MUC4: variants seen among roughly 807,000 people sequenced by gnomAD.
MUC4 encodes mucin-4.
Under a neutral mutation model 257.9 loss-of-function variants are expected in MUC4, and 202 were observed. The ratio of observed to expected loss-of-function variants is 0.78; its 90% CI spans 0.70 to 0.88. The LOEUF (loss-of-function observed/expected upper bound fraction) is 0.88, where lower values mean the gene tolerates loss of function less well. Ranked by LOEUF, MUC4 falls within the 40% of genes least tolerant of loss-of-function variation. The pLI is 0.00. For missense variants in MUC4, 5,976 were observed against 6,513.7 expected (o/e 0.92, Z 2.84); for synonymous variants, 2,351 against 2,757.1 (o/e 0.85, Z 4.62).
At chr3:195,762,402 C>T in intron 13 of MUC4, 148 bp from the exon 14 acceptor site, 1 of 880,344 alleles carries the variant, frequency 1.1e-6, no homozygotes, top group Non-Finnish European at 1.7e-6. Context: ...AAGAGGCCGG[C>T]GAGCTGCACG....
intron 24 of MUC4, among the ~76,000 whole-genome samples, chr3:195,748,295 G>A (rs1480393470): frequency 1.3e-5 from 2 of 152,278 alleles, no homozygotes; most frequent in African/African-American, 4.8e-5. Context: ...CTGGCGCGGT[G>A]GCTCACGCCT....
At chr3:195,764,656 G>A (rs893961914) in intron 10 of MUC4, among the ~76,000 whole-genome samples, 17 of 152,218 alleles carry the variant, frequency 1.1e-4, no homozygotes, top group African/African-American at 3.9e-4. Context: ...CTCCCTTGGA[G>A]CGTCTCTGTG....
At chr3:195,802,981 C>G (rs895005445) in intron 1 of MUC4, among the ~76,000 whole-genome samples, 1 of 152,148 alleles carries the variant, frequency 6.6e-6, no homozygotes, top group African/African-American at 2.4e-5. Flanking sequence ...CCTCCCTCTT[C>G]TCACCGTCTG....
At chr3:195,748,691 C>A (rs553377768) in intron 24 of MUC4, among the ~76,000 whole-genome samples, 71 of 152,356 alleles carry the variant, frequency 4.7e-4, no homozygotes, top group African/African-American at 1.6e-3. Flanking sequence ...AGTTCTAAGC[C>A]CCCCTATGGC....
intron 3 of MUC4, 69 bp downstream of exon 3, chr3:195,778,234 G>A: frequency 6.7e-7 from 1 of 1,500,570 alleles, no homozygotes; most frequent in Non-Finnish European, 8.9e-7. Context: ...ACTGTGGGAA[G>A]TAGGCTGAGA....
Position 195,810,789 on chromosome 3 carries a change from G to A in MUC4, c.82+947C>T, listed in dbSNP as rs79077800. ...TTCCCAGGGTCCTCAGTTTGTCTGC[G>A]TCTCACCTGTCTCGTCCTCTCACCC... On this transcript the variant is annotated intron_variant, in intron 1 of 24. Transcript: ENST00000463781. The surrounding 1 kb of genome is among the most constrained non-coding windows in gnomAD (Gnocchi z 4.2). Among the ~76,000 whole-genome samples the A allele has an allele frequency of 0.14, 20,545 of 151,922 alleles. 1,564 individuals are homozygous for A. Among genetic ancestry groups the A allele is most frequent in the Non-Finnish European group, 0.18 (12,114 of 67,924 alleles).
rs201778703 is a variant in MUC4 at position 195,754,206 on chromosome 3, G to C, written c.15328+7C>G. The C allele has an allele frequency of 6.2e-7, 1 of 1,607,296 alleles. No individual in the cohort carries two copies. Among genetic ancestry groups the C allele is most frequent in the Non-Finnish European group, 8.5e-7 (1 of 1,176,030 alleles). On this transcript the variant is annotated splice_region_variant and intron_variant, in intron 19 of 24. Transcript: ENST00000463781. The stretch of plus-strand genomic sequence containing the variant: ...AGCGCCTGCTCCAGGCCCTGTTCCC[G>C]GCTCACCCGCACAGTGCCGCCCATC...
intron 4 of MUC4, among the ~76,000 whole-genome samples, chr3:195,772,437 C>T (rs2688510): frequency 0.029 from 1,893 of 66,136 alleles, 173 homozygotes; most frequent in Middle Eastern, 0.091. Context: ...AGACACCCTC[C>T]CTCCATCGCT....
chr3:195,800,926 G>A (rs986814746), intron 1 of MUC4, among the ~76,000 whole-genome samples: 1 of 149,340 alleles, frequency 6.7e-6, no homozygotes, highest in East Asian at 1.9e-4. Flanking sequence ...TTCTCAAAAG[G>A]CAGAGGGTGC....
chr3:195,757,347 G>A lies in MUC4; in HGVS notation c.14987-19C>T. On this transcript the variant is annotated intron_variant, in intron 17 of 24. Transcript: ENST00000463781. The surrounding 1 kb of genome is among the most constrained non-coding windows in gnomAD (Gnocchi z 4.8). ...CCATTCTCTGCCCCGGGGAAGATGA[G>A]AATGTTGAGAGCTGGGAGACTCCTC... 1 of 1,580,154 alleles carries A rather than the reference G, an allele frequency of 6.3e-7. No individual in the cohort carries two copies.
intron 18 of MUC4, among the ~76,000 whole-genome samples, chr3:195,756,427 A>C (rs1717656160): frequency 6.6e-6 from 1 of 152,240 alleles, no homozygotes; most frequent in African/African-American, 2.4e-5. Flanking sequence ...CGGAGGTGGA[A>C]GTTTCCTGCC....
chr3:195,788,987 ACG>A lies in MUC4; in HGVS notation c.2591_2592del (p.Ala864ValfsTer14). 1 of 1,613,762 alleles carries A rather than the reference ACG, an allele frequency of 6.2e-7. No homozygotes were observed. Among genetic ancestry groups the A allele is most frequent in the Non-Finnish European group, 8.5e-7 (1 of 1,179,814 alleles). On this transcript the variant is annotated frameshift_variant, in exon 2 of 25. Transcript: ENST00000463781. LOFTEE classifies it high-confidence loss of function. Reference protein sequence around the residue: ...HGAIPVSTGMASSIVPGTFHP... With the variant: ...HGAIPVSTGMXSSIVPGTFHP... ...TGAAAGGTGCCGGGGACGATCGAAGACGCCATTCCTGTGCTTACTGGGATGGC... is the reference window on the plus strand; with the variant it reads ...TGAAAGGTGCCGGGGACGATCGAAGACCATTCCTGTGCTTACTGGGATGGC...
Position 195,757,085 on chromosome 3 carries a change from AT to A in MUC4, c.15168+61del, listed in dbSNP as rs1231743182. 6.6e-7 allele frequency: 1 copy of A among 1,514,596 alleles called. No individual in the cohort carries two copies. The highest frequency in any genetic ancestry group is 1.4e-5 in the African/African-American group (1 of 73,058). 93.8% of individuals were successfully genotyped at this position (1,514,596 alleles called of 1,614,324 possible). On this transcript the variant is annotated intron_variant, in intron 18 of 24. Transcript: ENST00000463781. The surrounding 1 kb of genome is among the most constrained non-coding windows in gnomAD (Gnocchi z 4.8). ...CAGGACAGGCAGAATCACAGCATCC[AT>A]TCCACTCCCATTTCCTCTCCCCTCG...
chr3:195,753,662 C>G (rs1716926684), intron 19 of MUC4: 1 of 229,152 alleles, frequency 4.4e-6, no homozygotes, highest in African/African-American at 2.3e-5. Context: ...GTAAAGGCCT[C>G]GCTGTGATCT....
In MUC4 at chr3:195,757,222, AG is replaced by A. The variant is rs1717847711; in HGVS notation, c.15092del (p.Thr5031MetfsTer71). 1 of 1,613,456 alleles carries A rather than the reference AG, an allele frequency of 6.2e-7. No individual in the cohort carries two copies. Among genetic ancestry groups the A allele is most frequent in the East Asian group, 2.2e-5 (1 of 44,876 alleles). ...IGLASALQPR[T>X]VVCHCNAESQ... ...TCTCTGCATTGCAATGGCAGACCAC[AG>A]TCCTGGGCTGGAGTGCAGATGCCAA... On this transcript the variant is annotated frameshift_variant, in exon 18 of 25. Coordinates refer to ENST00000463781, the MANE Select transcript of MUC4 (RefSeq NM_018406.7). LOFTEE classifies it high-confidence loss of function. The surrounding 1 kb of genome is among the most constrained non-coding windows in gnomAD (Gnocchi z 4.8).
chr3:195,765,168 G>A (rs1315887533), intron 9 of MUC4, 46 bp from the exon 10 acceptor site: 1 of 1,589,812 alleles, frequency 6.3e-7, no homozygotes, highest in Non-Finnish European at 8.6e-7. Context: ...GGGCTGCCAG[G>A]GGCGGGGTGG....
At position 195,788,444 on chromosome 3, in the gene MUC4, A is replaced by G. The variant is rs71617321; in HGVS notation, c.3136T>C (p.Phe1046Leu). 0.57 allele frequency: 567,950 copies of G among 990,880 alleles called. 166,604 individuals are homozygous for G. The highest frequency in any genetic ancestry group is 0.77 in the African/African-American group (29,118 of 37,628). 61.4% of individuals were successfully genotyped at this position (990,880 alleles called of 1,614,324 possible). A position where few individuals can be genotyped will look rare whatever the true frequency, so the allele number is the denominator to read the frequency against. ...CTGTCACCTGTGGATGCTGAGGAAA[A>G]GCTGGTGACAGGAAGAGGGGTGACG... ...GHVTPLPVTS[F>L]SSASTGDSTP... The change falls in exon 2 of 25, where the codon TTT (phenylalanine) becomes CTT (leucine). Residue 1046 changes from phenylalanine (F) to leucine (L), a missense_variant. By Grantham distance (22) the Phe-to-Leu change is conservative. This residue lies in a region of MUC4 where 68 missense variants were observed against 90.4 expected (regional missense o/e 0.75). Coordinates refer to ENST00000463781, the MANE Select transcript of MUC4 (RefSeq NM_018406.7).
rs758170168 is a variant in MUC4 at position 195,761,570 on chromosome 3, T to C, written c.14528A>G (p.Asn4843Ser). The change falls in exon 15 of 25, where the codon AAT becomes AGT. Residue 4843 changes from asparagine to serine, a missense_variant. Physicochemically the swap from Asn to Ser is conservative, Grantham distance 46. Coordinates refer to ENST00000463781, the MANE Select transcript of MUC4 (RefSeq NM_018406.7). ...TEGLLGVWNN[N>S]PEDDFRMPNG... ...GGGCATCCTGAAGTCGTCCTCTGGA[T>C]TGTTATTCCAGACCCCTGAGGGACA... 1 of 1,613,704 alleles carries C rather than the reference T, an allele frequency of 6.2e-7. No homozygotes were observed. The highest frequency in any genetic ancestry group is 8.5e-7 in the Non-Finnish European group (1 of 1,179,640).
chr3:195,747,479 T>C (rs1715278877), intron 24 of MUC4, 99 bp from the exon 25 acceptor site: 2 of 1,355,104 alleles, frequency 1.5e-6, no homozygotes, highest in Admixed American at 2.0e-5. Context: ...TAGGAGAGGC[T>C]GGGCTCGCCC....
Sources: gnomAD v4.1 joint callset for allele counts (sites outside exome capture counted in the v4.1 genomes callset) on GRCh38, gnomAD v4.1.1 for gene constraint, gnomAD v4.1.1 regional missense constraint, Gnocchi (gnomAD v3.1) non-coding constraint, MANE v1.5 for transcripts, NCBI Gene and HGNC (gene_info 2026-07-23, HGNC 2026-07-21) for gene names.